AHCY: variants seen among roughly 807,000 people sequenced by gnomAD.
AHCY encodes the protein S-adenosyl-L-homocysteine hydrolase.
AHCY carries 24 observed loss-of-function variants against 45.4 expected under a neutral mutation model. The ratio of observed to expected loss-of-function variants is 0.53; its 90% CI spans 0.38 to 0.74. The LOEUF is 0.74. Among genes scored for constraint, AHCY ranks in the 30% least tolerant of loss-of-function variants. The probability of loss-of-function intolerance (pLI) is 0.00; values close to 1 mark genes in which losing one functional copy is unlikely to be tolerated. For missense variants in AHCY, 449 were observed against 594.1 expected (o/e 0.76, Z 2.54); for synonymous variants, 245 against 235.1 (o/e 1.04, Z -0.39).
the AHCY span, among the ~76,000 whole-genome samples, chr20:34,240,933 C>T: frequency 6.6e-6 from 1 of 152,054 alleles, no homozygotes; most frequent in Non-Finnish European, 1.5e-5. Context: ...GAAGGCATGA[C>T]GTTTGCTTGG....
chr20:34,294,789 G>A (rs1457849321), intron 2 of AHCY, among the ~76,000 whole-genome samples: 1 of 152,128 alleles, frequency 6.6e-6, no homozygotes, highest in East Asian at 1.9e-4. Flanking sequence ...AGAAGTCCAG[G>A]CTAGTACAAA....
chr20:34,280,983 G>A lies in AHCY; in HGVS notation c.*51C>T, dbSNP rs1336140112. 1.2e-6 allele frequency: 2 copies of A among 1,612,246 alleles called. No homozygotes were observed. Among genetic ancestry groups the A allele is most frequent in the African/African-American group, 1.3e-5 (1 of 74,928 alleles). On this transcript the variant is annotated 3_prime_UTR_variant, in exon 10 of 10. Transcript: ENST00000217426. ...TGCCATTAGCTCTTAGGGAGGAGAGGTGGGGCCTGGGCAAGGACAGCAGCT... is the reference window on the plus strand; with the variant it reads ...TGCCATTAGCTCTTAGGGAGGAGAGATGGGGCCTGGGCAAGGACAGCAGCT...
intron 9 of AHCY, 105 bp from the exon 10 acceptor site, chr20:34,281,270 A>G (rs913152549): frequency 3.3e-6 from 5 of 1,529,916 alleles, no homozygotes; most frequent in Admixed American, 1.7e-5. Context: ...GGTTTCTGCC[A>G]TGTGTGGTAC....
In AHCY at chr20:34,292,238, C is replaced by A. The variant is rs146854195; in HGVS notation, c.445+120G>T. On this transcript the variant is annotated intron_variant, in intron 4 of 9. Coordinates refer to ENST00000217426, the MANE Select transcript of AHCY (RefSeq NM_000687.4). ...TGAATGCCAGAGCCTGCCATCCTCCCATCTTCCAGATCCTGCTGCTTGAGG... is the reference window on the plus strand; with the variant it reads ...TGAATGCCAGAGCCTGCCATCCTCCAATCTTCCAGATCCTGCTGCTTGAGG... 22 of 1,337,686 alleles carry A rather than the reference C, an allele frequency of 1.6e-5. No individual in the cohort carries two copies. In the East Asian group the frequency reaches 5.3e-4, roughly 32 times the overall value. The allele number at this position is 1,337,686 out of a possible 1,614,324, so 82.9% of individuals were successfully genotyped here.
At chr20:34,275,432 C>G (rs2035902838), downstream of AHCY, among the ~76,000 whole-genome samples, 1 of 151,868 alleles carries the variant, frequency 6.6e-6, no homozygotes, top group African/African-American at 2.4e-5. Flanking sequence ...ACACCCGGCC[C>G]TCTGTTTTCT....
At chr20:34,291,930 T>C (rs1475083985) in intron 4 of AHCY, among the ~76,000 whole-genome samples, 1 of 152,200 alleles carries the variant, frequency 6.6e-6, no homozygotes, top group Non-Finnish European at 1.5e-5. Flanking sequence ...GTCAAACACT[T>C]TTCTATTGGC....
At chr20:34,268,917 G>A in the AHCY span, 10 of 1,525,694 alleles carry the variant, frequency 6.6e-6, no homozygotes, top group Admixed American at 1.4e-4. Context: ...CTAGCCCGAG[G>A]AGCTCCCAGG....
intron 8 of AHCY, among the ~76,000 whole-genome samples, chr20:34,288,918 G>A (rs1002731216): frequency 6.6e-6 from 1 of 152,128 alleles, no homozygotes; most frequent in Non-Finnish European, 1.5e-5. Flanking sequence ...GTGCCCCAAT[G>A]CCCAATGCAA....
the AHCY span, among the ~76,000 whole-genome samples, chr20:34,252,814 G>A: frequency 2.6e-5 from 4 of 152,192 alleles, no homozygotes; most frequent in South Asian, 2.1e-4. Context: ...AGGTCCCTGC[G>A]GACATTGTGT....
At chr20:34,289,562 G>T (rs1460900753) in intron 8 of AHCY, among the ~76,000 whole-genome samples, 1 of 126,344 alleles carries the variant, frequency 7.9e-6, no homozygotes, top group Non-Finnish European at 1.6e-5. Flanking sequence ...TGCAACCTCC[G>T]CCTCCCAGCT....
chr20:34,300,546 G>T (rs117592090), intron 1 of AHCY, among the ~76,000 whole-genome samples: 1 of 146,064 alleles, frequency 6.8e-6, no homozygotes, highest in Non-Finnish European at 1.5e-5. Flanking sequence ...GGCCTGGAAG[G>T]CTCCTCTCAA....
rs819147 is a variant in AHCY, at chr20:34,301,898, C to T, written c.28+1345G>A. ...GCTCTATATAACGGGATTACGTCCACCTCTATGAAGATTATTGTGTAAACA... is the reference window on the plus strand; with the variant it reads ...GCTCTATATAACGGGATTACGTCCATCTCTATGAAGATTATTGTGTAAACA... On this transcript the variant is annotated intron_variant, in intron 1 of 9. Coordinates refer to ENST00000217426, the MANE Select transcript of AHCY (RefSeq NM_000687.4). 844,108 of 985,260 alleles carry T rather than the reference C, an allele frequency of 0.86. 370,704 individuals are homozygous for T. Among genetic ancestry groups the T allele is most frequent in the Non-Finnish European group, 0.9 (744,309 of 829,868 alleles). The allele number at this position is 985,260 out of a possible 1,614,324, so 61.0% of individuals were successfully genotyped here. A position where few individuals can be genotyped will look rare whatever the true frequency, so the allele number is the denominator to read the frequency against.
intron 1 of AHCY, among the ~76,000 whole-genome samples, chr20:34,298,605 C>CGGGG (rs1469112892): frequency 3.8e-4 from 12 of 31,240 alleles, no homozygotes; most frequent in Non-Finnish European, 4.7e-4. Context: ...GTGGCGGCGG[C>CGGGG]GGGAGGGGGG....
At position 34,287,140 on chromosome 20, in the gene AHCY, G is replaced by A. The variant is rs145337397; in HGVS notation, c.973-1506C>T. Among the ~76,000 whole-genome samples the A allele has an allele frequency of 1.2e-4, 18 of 152,178 alleles. No individual in the cohort carries two copies. In the East Asian group the frequency reaches 3.3e-3, roughly 28 times the overall value. Reference sequence around the variant, plus strand: ...CAAGCTGCTCCAGAGGCCTAGTACCGATCCAAGGAAAGGTCTCTGATGCCC... The same window carrying A: ...CAAGCTGCTCCAGAGGCCTAGTACCAATCCAAGGAAAGGTCTCTGATGCCC... On this transcript the variant is annotated intron_variant, in intron 8 of 9. Coordinates refer to ENST00000217426, the MANE Select transcript of AHCY (RefSeq NM_000687.4).
At chr20:34,245,783 A>T in the AHCY span, among the ~76,000 whole-genome samples, 2 of 151,806 alleles carry the variant, frequency 1.3e-5, no homozygotes, top group African/African-American at 4.8e-5. Context: ...AAAACAAGCA[A>T]CCTTGTACAA....
At chr20:34,298,249 G>T (rs935568748) in intron 1 of AHCY, among the ~76,000 whole-genome samples, 11 of 151,992 alleles carry the variant, frequency 7.2e-5, no homozygotes, top group Non-Finnish European at 1.5e-4. Context: ...TATAAAACAA[G>T]AATAGTTATA....
intron 1 of AHCY, among the ~76,000 whole-genome samples, chr20:34,297,354 C>T (rs144483049): frequency 1.9e-4 from 29 of 152,134 alleles, no homozygotes; most frequent in East Asian, 1.5e-3. Flanking sequence ...TGCAGTGGCG[C>T]GATCTCGGCC....
At chr20:34,252,724 C>T in the AHCY span, among the ~76,000 whole-genome samples, 1 of 152,142 alleles carries the variant, frequency 6.6e-6, no homozygotes, top group South Asian at 2.1e-4. Context: ...ATGGTAAGGT[C>T]TTTCCTTTCC....
chr20:34,258,204 A>G, the AHCY span, among the ~76,000 whole-genome samples: 1 of 152,016 alleles, frequency 6.6e-6, no homozygotes, highest in African/African-American at 2.4e-5. Flanking sequence ...GTTAGTAGAT[A>G]TTGATGGAGC....
Sources: allele counts gnomAD v4.1 joint callset (sites outside exome capture counted in the v4.1 genomes callset), GRCh38; gene constraint gnomAD v4.1.1; transcripts MANE v1.5; gene names NCBI Gene and HGNC (gene_info 2026-07-23, HGNC 2026-07-21).